The following NELL1 variants were observed in gnomAD, a reference collection of about 807,000 sequenced individuals.
The protein encoded by NELL1 is neural EGFL like 1.
In NELL1, 76 loss-of-function variants were observed where a neutral mutation model predicts 107.4. That is an observed-to-expected ratio of 0.71 (90% CI 0.59 to 0.86). The LOEUF (loss-of-function observed/expected upper bound fraction) is 0.86. Among genes scored for constraint, NELL1 ranks in the 40% least tolerant of loss-of-function variants. The pLI, the probability that NELL1 is intolerant of heterozygous loss-of-function variation, is 0.00. For synonymous variants in NELL1, 353 were observed against 341.2 expected, an observed-to-expected ratio of 1.03 and a Z score of -0.38; for missense variants, 1,024 against 1,005.5, an observed-to-expected ratio of 1.02 and a Z score of -0.25.
chr11:21,303,645 A>G (rs936007), intron 14 of NELL1, among the ~76,000 whole-genome samples: 53,347 of 151,960 alleles, frequency 0.35, 11,119 homozygotes, highest in Non-Finnish European at 0.48. Flanking sequence ...CTATTCAGCA[A>G]TCTCACTTCT....
intron 13 of NELL1, among the ~76,000 whole-genome samples, chr11:21,159,128 C>T (rs887484718): frequency 6.6e-6 from 1 of 152,086 alleles, no homozygotes; most frequent in African/African-American, 2.4e-5. Context: ...ATATCGATAA[C>T]TTATCAATTA....
chr11:21,278,575 T>A (rs1296782783), intron 14 of NELL1, among the ~76,000 whole-genome samples: 1 of 151,868 alleles, frequency 6.6e-6, no homozygotes, highest in East Asian at 1.9e-4. Context: ...TAGATTTAAA[T>A]CTAACAAAAC....
intron 12 of NELL1, among the ~76,000 whole-genome samples, chr11:21,032,532 GTGCCTGGCACCA>G (rs908584815): frequency 6.2e-4 from 94 of 152,184 alleles, no homozygotes; most frequent in South Asian, 5.0e-3. Context: ...GGGATTACAG[GTGCCTGGCACCA>G]TGCCTGGCTA....
At chr11:21,387,645 A>G (rs1235324549) in intron 15 of NELL1, among the ~76,000 whole-genome samples, 6 of 151,822 alleles carry the variant, frequency 4.0e-5, no homozygotes, top group African/African-American at 1.5e-4. Flanking sequence ...TCTTCTCACA[A>G]AAGCAAGGCT....
intron 3 of NELL1, among the ~76,000 whole-genome samples, chr11:20,818,406 C>CTTTTTTTT (rs57318040): frequency 1.8e-5 from 2 of 108,728 alleles, no homozygotes; most frequent in African/African-American, 3.3e-5. Context: ...GCAACCCCTG[C>CTTTTTTTT]TTTTTTTTTT....
chr11:21,433,913 G>C (rs750918477), intron 15 of NELL1, among the ~76,000 whole-genome samples: 1 of 152,116 alleles, frequency 6.6e-6, no homozygotes, highest in African/African-American at 2.4e-5. Flanking sequence ...GGCCTCAGGT[G>C]ACCTGCCCGC....
intron 14 of NELL1, chr11:21,284,783 T>C (rs1849079206): frequency 2.9e-6 from 1 of 343,348 alleles, no homozygotes; most frequent in African/African-American, 2.1e-5. Flanking sequence ...TGGCAATTTG[T>C]ATCATGCTGG....
intron 12 of NELL1, among the ~76,000 whole-genome samples, chr11:21,106,025 T>C (rs1334275378): frequency 6.8e-6 from 1 of 147,980 alleles, no homozygotes; most frequent in African/African-American, 2.5e-5. Context: ...CTAATGCTCC[T>C]TGTGATAACA....
At chr11:20,691,542 C>T (rs971545213) in intron 2 of NELL1, among the ~76,000 whole-genome samples, 5 of 152,042 alleles carry the variant, frequency 3.3e-5, no homozygotes, top group African/African-American at 7.2e-5. Context: ...TTGAGATAAT[C>T]GTGTGGTTTT....
chr11:21,229,472 G>T lies in NELL1; in HGVS notation c.1549+18G>T, dbSNP rs1169690030. ...CTGCAGAGGTAGGCTTGCCGCCTTAGTGTTGAGTTGTGAGCAGCCATTCTG... is the reference window on the plus strand; with the variant it reads ...CTGCAGAGGTAGGCTTGCCGCCTTATTGTTGAGTTGTGAGCAGCCATTCTG... On this transcript the variant is annotated intron_variant, in intron 14 of 19. Coordinates refer to ENST00000357134, the MANE Select transcript of NELL1 (RefSeq NM_006157.5). The T allele has an allele frequency of 3.1e-6, 5 of 1,612,852 alleles. No homozygotes were observed. The East Asian group carries it at 8.9e-5, about 29-fold the overall frequency.
At chr11:21,341,717 A>G (rs1850569524) in intron 14 of NELL1, among the ~76,000 whole-genome samples, 1 of 152,236 alleles carries the variant, frequency 6.6e-6, no homozygotes, top group South Asian at 2.1e-4. Flanking sequence ...ATGAGGAACC[A>G]AGTCTTAAAA....
At chr11:21,100,297 C>T (rs1854772949) in intron 12 of NELL1, among the ~76,000 whole-genome samples, 1 of 152,218 alleles carries the variant, frequency 6.6e-6, no homozygotes, top group South Asian at 2.1e-4. Context: ...GGATTACAGG[C>T]ATCATCCACC....
intron 12 of NELL1, among the ~76,000 whole-genome samples, chr11:21,079,377 T>C (rs1244817589): frequency 2.0e-5 from 3 of 152,038 alleles, no homozygotes; most frequent in Non-Finnish European, 4.4e-5. Context: ...AAGGATTAAA[T>C]AATTCATAAA....
chr11:20,802,910 A>C (rs1857307935), intron 3 of NELL1, among the ~76,000 whole-genome samples: 1 of 152,170 alleles, frequency 6.6e-6, no homozygotes, highest in South Asian at 2.1e-4. Flanking sequence ...CATACTTGGG[A>C]TAAATTTCAT....
intron 14 of NELL1, among the ~76,000 whole-genome samples, chr11:21,304,803 G>A (rs1849573040): frequency 6.6e-6 from 1 of 151,776 alleles, no homozygotes; most frequent in Non-Finnish European, 1.5e-5. Flanking sequence ...GCAAATACCA[G>A]TGCCACCAAA....
intron 12 of NELL1, among the ~76,000 whole-genome samples, chr11:21,055,637 C>T (rs1308425105): frequency 6.6e-6 from 1 of 152,054 alleles, no homozygotes; most frequent in African/African-American, 2.4e-5. Flanking sequence ...AAGATATTGA[C>T]CGACGGTTTT....
Position 21,149,299 on chromosome 11 carries a change from G to T in NELL1, c.1426+35585G>T, listed in dbSNP as rs117437579. Among the ~76,000 whole-genome samples the T allele has an allele frequency of 5.1e-3, 775 of 152,272 alleles. 4 individuals carry two copies. The highest frequency in any genetic ancestry group is 0.017 in the Middle Eastern group (5 of 294). The stretch of plus-strand genomic sequence containing the variant: ...CTGAAGGAATGGTGTATTAGTCTGG[G>T]CTCATGCTGCTAATAAAGACATACC... On this transcript the variant is annotated intron_variant, in intron 13 of 19. Coordinates refer to ENST00000357134, the MANE Select transcript of NELL1 (RefSeq NM_006157.5).
intron 14 of NELL1, among the ~76,000 whole-genome samples, chr11:21,363,008 TCTCA>T (rs1280817971): frequency 5.3e-5 from 8 of 150,900 alleles, no homozygotes; most frequent in East Asian, 2.0e-4. Flanking sequence ...GCGAGACCAG[TCTCA>T]CTCCCGCAGT....
At chr11:21,171,091 G>A (rs1856597390) in intron 13 of NELL1, among the ~76,000 whole-genome samples, 1 of 151,660 alleles carries the variant, frequency 6.6e-6, no homozygotes. Flanking sequence ...TTTGCCTTAC[G>A]GCTGTCCTCT....
Sources: allele counts gnomAD v4.1 joint callset (sites outside exome capture counted in the v4.1 genomes callset), GRCh38; gene constraint gnomAD v4.1.1; transcripts MANE v1.5; gene names NCBI Gene and HGNC (gene_info 2026-07-23, HGNC 2026-07-21).